Variants in RNF114 observed in about 807,000 individuals in gnomAD.
RNF114 encodes the protein E3 ubiquitin-protein ligase RNF114.
Under a neutral mutation model 28.4 loss-of-function variants are expected in RNF114, and 6 were observed. The ratio of observed to expected loss-of-function variants is 0.21; its 90% CI spans 0.12 to 0.42. The LOEUF (loss-of-function observed/expected upper bound fraction) is 0.42. Among genes scored for constraint, RNF114 ranks in the 10% least tolerant of loss-of-function variants. RNF114 has a pLI of 1.00. For synonymous variants in RNF114, 115 were observed against 116.7 expected (o/e 0.99, Z 0.09); for missense variants, 249 against 311.7 (o/e 0.80, Z 1.51).
chr20:49,942,240 C>T (rs576664939), intron 2 of RNF114, among the ~76,000 whole-genome samples: 1 of 151,762 alleles, frequency 6.6e-6, no homozygotes, highest in African/African-American at 2.4e-5. Context: ...GCCTGGCTGA[C>T]AGCAAGACCC....
chr20:49,944,259 C>T (rs1314222268), intron 2 of RNF114: 3 of 151,952 alleles, frequency 2.0e-5, no homozygotes, highest in East Asian at 1.9e-4. Flanking sequence ...TCAGTAGAGA[C>T]GAGTTTTGCA....
chr20:49,947,790 T>G (rs1289898826), intron 4 of RNF114, among the ~76,000 whole-genome samples: 2 of 108,250 alleles, frequency 1.8e-5, no homozygotes, highest in African/African-American at 7.6e-5. Flanking sequence ...TTTTTTTTTT[T>G]TTTTTTTTTT....
intron 4 of RNF114, among the ~76,000 whole-genome samples, chr20:49,948,162 C>G (rs1163638318): frequency 2.6e-5 from 4 of 152,080 alleles, no homozygotes; most frequent in Non-Finnish European, 5.9e-5. Context: ...CTAGTCCCAC[C>G]CTATGTTCTA....
At chr20:49,942,983 A>T (rs2090313617) in intron 2 of RNF114, among the ~76,000 whole-genome samples, 1 of 140,800 alleles carries the variant, frequency 7.1e-6, no homozygotes, top group African/African-American at 2.7e-5. Flanking sequence ...TTTTAAATGT[A>T]CACTCATTCC....
chr20:49,946,826 G>A (rs1275708710), intron 4 of RNF114, among the ~76,000 whole-genome samples: 2 of 152,162 alleles, frequency 1.3e-5, no homozygotes, highest in Non-Finnish European at 2.9e-5. Context: ...CATAGTTGTG[G>A]GGAAAGAGGA....
rs1472453040 is a variant in RNF114 at position 49,941,988 on chromosome 20, G to C, written c.291+277G>C. ...TCCTATAAAAGATCAATTATGGCCA[G>C]GCGCGGTGGCTCATTCCTGTAACCC... On this transcript the variant is annotated intron_variant, in intron 2 of 5. Coordinates refer to ENST00000244061, the MANE Select transcript of RNF114 (RefSeq NM_018683.4). The C allele has an allele frequency of 3.6e-5, 13 of 363,860 alleles. No homozygotes were observed. In the East Asian group the frequency reaches 6.1e-4, roughly 17 times the overall value. 22.5% of individuals were successfully genotyped at this position (363,860 alleles called of 1,614,324 possible).
At chr20:49,941,956 A>G in intron 2 of RNF114, 1 of 464,290 alleles carries the variant, frequency 2.2e-6, no homozygotes, top group Non-Finnish European at 3.8e-6. Flanking sequence ...CAGTTATCCC[A>G]GTTTTTTCCT....
In RNF114 at chr20:49,946,726, T is replaced by C. The variant is rs559705126; in HGVS notation, c.513+476T>C. On this transcript the variant is annotated intron_variant, in intron 4 of 5. Transcript: ENST00000244061. ...CTGGGTGCTACATTAAGTCATGTGA[T>C]GTCTGTTGTTGGTAACATTAACTTG... Among the ~76,000 whole-genome samples, 6 of 152,266 alleles carry C rather than the reference T, an allele frequency of 3.9e-5. No individual in the cohort carries two copies. In the South Asian group the frequency reaches 8.3e-4, roughly 21 times the overall value.
chr20:49,948,098 G>A (rs895259717), intron 4 of RNF114, among the ~76,000 whole-genome samples: 1 of 151,950 alleles, frequency 6.6e-6, no homozygotes, highest in African/African-American at 2.4e-5. Flanking sequence ...CCCTCTGCAA[G>A]TTCTTAACTC....
intron 1 of RNF114, among the ~76,000 whole-genome samples, chr20:49,940,770 C>A (rs542936540): frequency 6.6e-6 from 1 of 151,062 alleles, no homozygotes; most frequent in African/African-American, 2.4e-5. Flanking sequence ...TCCCCTCCAC[C>A]CCCCCCTTGA....
At chr20:49,945,712 C>T (rs1261896918) in intron 3 of RNF114, among the ~76,000 whole-genome samples, 1 of 152,224 alleles carries the variant, frequency 6.6e-6, no homozygotes, top group Non-Finnish European at 1.5e-5. Flanking sequence ...GTTGCCCAGG[C>T]TGGTGTGCAG....
intron 4 of RNF114, among the ~76,000 whole-genome samples, chr20:49,946,596 T>C (rs6020144): frequency 1.3e-3 from 174 of 138,052 alleles, no homozygotes; most frequent in African/African-American, 4.1e-3. Flanking sequence ...ATCTAATGTC[T>C]AATGTGAAAT....
chr20:49,947,793 T>TG, intron 4 of RNF114, among the ~76,000 whole-genome samples: 4 of 105,484 alleles, frequency 3.8e-5, no homozygotes, highest in African/African-American at 1.5e-4. Flanking sequence ...TTTTTTTTTT[T>TG]TTTTTTTTTT....
intron 1 of RNF114, 81 bp downstream of exon 1, chr20:49,936,633 C>CG (rs1185124151): frequency 8.7e-6 from 13 of 1,501,034 alleles, no homozygotes; most frequent in Non-Finnish European, 1.1e-5. Flanking sequence ...GGTCTCAGGG[C>CG]GGGAGCCAGA....
chr20:49,951,981 C>CCGGATGCAGTTGCTAGGCTGTCCTGCTT, intron 5 of RNF114, 95 bp from the exon 6 acceptor site: 1 of 1,015,420 alleles, frequency 9.8e-7, no homozygotes, highest in Non-Finnish European at 1.5e-6. Context: ...GCAACCTGCT[C>CCGGATGCAGTTGCTAGGCTGTCCTGCTT]CGGATCCAGT....
Position 49,952,241 on chromosome 20 carries a change from GA to G in RNF114, c.*104del. The stretch of plus-strand genomic sequence containing the variant: ...TGTACCTTACCTGTTCAACAGACCT[GA>G]AAATGAGCCATGGCATTGGGACAGG... On this transcript the variant is annotated 3_prime_UTR_variant, in exon 6 of 6. Transcript: ENST00000244061. 1 of 1,067,892 alleles carries G rather than the reference GA, an allele frequency of 9.4e-7. No homozygotes were observed. 66.2% of individuals were successfully genotyped at this position (1,067,892 alleles called of 1,614,324 possible).
Position 49,952,839 on chromosome 20 carries a change from A to C in RNF114, c.*698A>C, listed in dbSNP as rs746946504. 1 of 152,800 alleles carries C rather than the reference A, an allele frequency of 6.5e-6. No homozygotes were observed. Among genetic ancestry groups the C allele is most frequent in the South Asian group, 2.1e-4 (1 of 4,826 alleles). The allele number at this position is 152,800 out of a possible 1,614,324, so 9.5% of individuals were successfully genotyped here. A position where few individuals can be genotyped will look rare whatever the true frequency, so the allele number is the denominator to read the frequency against. ...GGTGGAAGTGTTTCTGGGTTAGGGAAGTTAAAGTCTGTTTATCCGTAAGTG... is the reference window on the plus strand; with the variant it reads ...GGTGGAAGTGTTTCTGGGTTAGGGACGTTAAAGTCTGTTTATCCGTAAGTG... On this transcript the variant is annotated 3_prime_UTR_variant, in exon 6 of 6. Transcript: ENST00000244061.
intron 2 of RNF114, among the ~76,000 whole-genome samples, chr20:49,943,651 C>CTTTTTTTTTTT (rs60425763): frequency 1.2e-4 from 9 of 72,132 alleles, no homozygotes; most frequent in African/African-American, 4.7e-4. Context: ...CTACTGTCTT[C>CTTTTTTTTTTT]TTTTTTTTTT....
intron 1 of RNF114, among the ~76,000 whole-genome samples, chr20:49,937,011 AAAC>A (rs1378051724): frequency 6.6e-6 from 1 of 152,192 alleles, no homozygotes; most frequent in African/African-American, 2.4e-5. Flanking sequence ...AACTAGACTA[AAAC>A]AACAAAAGGG....
Sources: gnomAD v4.1 joint callset for allele counts (sites outside exome capture counted in the v4.1 genomes callset) on GRCh38, gnomAD v4.1.1 for gene constraint, MANE v1.5 for transcripts, NCBI Gene and HGNC (gene_info 2026-07-23, HGNC 2026-07-21) for gene names.